The following RRP12 variants were observed in gnomAD, a reference collection of about 807,000 sequenced individuals.
The protein encoded by RRP12 is ribosomal RNA processing 12 homolog.
In RRP12, 78 loss-of-function variants were observed where a neutral mutation model predicts 157.3. That is an observed-to-expected ratio of 0.50 (90% CI 0.41 to 0.60). The LOEUF (loss-of-function observed/expected upper bound fraction) is 0.60, where lower values mean the gene tolerates loss of function less well. RRP12 is among the 20% of genes least tolerant of loss of function. The probability of loss-of-function intolerance (pLI) is 0.00; values close to 1 mark genes in which losing one functional copy is unlikely to be tolerated. For synonymous variants in RRP12, 726 were observed against 670.9 expected (o/e 1.08, Z -1.27); for missense variants, 1,521 against 1,679.9 (o/e 0.91, Z 1.65).
chr10:97,372,218 A>C lies in RRP12; in HGVS notation c.2250-52T>G, dbSNP rs757651480. On this transcript the variant is annotated intron_variant, in intron 19 of 33. Transcript: ENST00000370992. ...GGGATGGGGAGCTGGAGAAGGGCGC[A>C]GACTACCAGTGTTCTTACGTCTACT... 3 of 1,432,038 alleles carry C rather than the reference A, an allele frequency of 2.1e-6. No homozygotes were observed. The Admixed American group carries it at 5.2e-5, about 25-fold the overall frequency. 88.7% of individuals were successfully genotyped at this position (1,432,038 alleles called of 1,614,324 possible). A position where few individuals can be genotyped will look rare whatever the true frequency, so the allele number is the denominator to read the frequency against.
chr10:97,365,272 GT>G (rs34050240), intron 29 of RRP12, among the ~76,000 whole-genome samples: 162 of 118,456 alleles, frequency 1.4e-3, no homozygotes, highest in East Asian at 5.4e-3. Context: ...AGACCTAGGT[GT>G]TTTTTTTTTT....
intron 15 of RRP12, among the ~76,000 whole-genome samples, chr10:97,378,378 T>C (rs1844369010): frequency 6.6e-6 from 1 of 152,196 alleles, no homozygotes; most frequent in Non-Finnish European, 1.5e-5. Flanking sequence ...GCTACAAACC[T>C]GGACAGCATG....
Position 97,373,210 on chromosome 10 carries a change from G to GC in RRP12, c.2027-11_2027-10insG. 1 of 1,613,602 alleles carries GC rather than the reference G, an allele frequency of 6.2e-7. No homozygotes were observed. The highest frequency in any genetic ancestry group is 8.5e-7 in the Non-Finnish European group (1 of 1,179,686). ...TCAGCACGGTCAGCCTCTGGTAAAA[G>GC]GATCAAAGTTTGCACTAAAGGCACA... On this transcript the variant is annotated splice_polypyrimidine_tract_variant and intron_variant, in intron 17 of 33. Coordinates refer to ENST00000370992, the MANE Select transcript of RRP12 (RefSeq NM_015179.4).
At position 97,369,582 on chromosome 10, in the gene RRP12, C is replaced by A. The variant is rs975306832; in HGVS notation, c.2798G>T (p.Gly933Val). The change falls in exon 25 of 34, where the codon GGT (glycine) becomes GTT (valine). Residue 933 changes from glycine (G) to valine (V), a missense_variant and splice_region_variant. By Grantham distance (109) the Gly-to-Val change is moderately radical. Coordinates refer to ENST00000370992, the MANE Select transcript of RRP12 (RefSeq NM_015179.4). Reference protein sequence around the residue: ...ALTHLLFEFKGLMGTSTVEQL... With the variant: ...ALTHLLFEFKVLMGTSTVEQL... ...CTCCACTGTACTGGTCCCCATCAGA[C>A]CTGTGGCAGTGAGGGGGTCACTGTC... 6 of 1,557,934 alleles carry A rather than the reference C, an allele frequency of 3.9e-6. No individual in the cohort carries two copies. In the African/African-American group the frequency reaches 6.8e-5, roughly 18 times the overall value.
chr10:97,365,184 T>A (rs2133036102), intron 29 of RRP12, among the ~76,000 whole-genome samples: 1 of 151,614 alleles, frequency 6.6e-6, no homozygotes, highest in South Asian at 2.1e-4. Flanking sequence ...GAGGCTCCAG[T>A]TAGGAGGTGC....
intron 10 of RRP12, among the ~76,000 whole-genome samples, chr10:97,382,131 A>T (rs1028810404): frequency 2.0e-5 from 3 of 152,142 alleles, no homozygotes; most frequent in African/African-American, 7.2e-5. Flanking sequence ...AGTTTCTTAA[A>T]TACCCTTCCA....
chr10:97,357,099 G>A lies in RRP12; in HGVS notation c.3889C>T (p.Pro1297Ser), dbSNP rs1319318371. 1.9e-6 allele frequency: 3 copies of A among 1,609,502 alleles called. No homozygotes were observed. Among genetic ancestry groups the A allele is most frequent in the Non-Finnish European group, 1.7e-6 (2 of 1,176,188 alleles). ...GHKNRRKDRR[P>S] Reference sequence around the variant, plus strand: ...CAGCCCAGGGGCCCTGGGCCTCAGGGTCGACGATCCTTTCTGCGGTTTTTG... The same window carrying A: ...CAGCCCAGGGGCCCTGGGCCTCAGGATCGACGATCCTTTCTGCGGTTTTTG... Residue 1297 changes from proline (P) to serine (S), a missense_variant, in exon 34 of 34, where the codon CCC becomes TCC. Pro to Ser is a moderately conservative substitution (Grantham distance 74). Transcript: ENST00000370992.
intron 8 of RRP12, among the ~76,000 whole-genome samples, chr10:97,386,827 A>G (rs1238163202): frequency 2.6e-5 from 4 of 152,124 alleles, no homozygotes; most frequent in Non-Finnish European, 4.4e-5. Context: ...CGTGTCTACT[A>G]AAAATACAAA....
intron 33 of RRP12, among the ~76,000 whole-genome samples, chr10:97,357,534 AC>A (rs1828693064): frequency 6.6e-6 from 1 of 152,150 alleles, no homozygotes; most frequent in Admixed American, 6.5e-5. Context: ...ACTTTACAAC[AC>A]CATTTCCCTA....
At chr10:97,388,462 C>T (rs1281781865) in intron 7 of RRP12, 27 bp downstream of exon 7, 1 of 1,613,426 alleles carries the variant, frequency 6.2e-7, no homozygotes, top group African/African-American at 1.3e-5. Flanking sequence ...GCCTCCCATC[C>T]ACCTGCCCTC....
At chr10:97,390,908 C>T (rs529651051) in intron 4 of RRP12, 64 bp from the exon 5 acceptor site, 9 of 1,102,806 alleles carry the variant, frequency 8.2e-6, no homozygotes, top group Middle Eastern at 2.1e-4. Context: ...TGCAGCCCCT[C>T]GTGGTACTAA....
intron 4 of RRP12, 120 bp downstream of exon 4, chr10:97,393,564 A>T: frequency 1.2e-6 from 1 of 834,586 alleles, no homozygotes; most frequent in Non-Finnish European, 2.0e-6. Flanking sequence ...GCCTCTAGAC[A>T]ATGTTCATGA....
intron 3 of RRP12, among the ~76,000 whole-genome samples, chr10:97,395,412 T>G (rs1321463540): frequency 6.6e-6 from 1 of 150,846 alleles, no homozygotes; most frequent in East Asian, 2.0e-4. Context: ...ATCAGCCAGG[T>G]GTGGTGGCGC....
intron 9 of RRP12, among the ~76,000 whole-genome samples, chr10:97,385,559 A>G (rs1352921209): frequency 2.0e-5 from 3 of 152,130 alleles, no homozygotes; most frequent in Non-Finnish European, 4.4e-5. Context: ...TTTGCTAACA[A>G]TTTGGGGGAT....
chr10:97,390,695 G>A (rs1844778963), intron 5 of RRP12, 44 bp downstream of exon 5: 2 of 1,471,026 alleles, frequency 1.4e-6, no homozygotes, highest in Non-Finnish European at 1.9e-6. Context: ...AATCAGACAG[G>A]CTCTGGGAGT....
Position 97,358,574 on chromosome 10 carries a change from C to T in RRP12, c.3754G>A (p.Ala1252Thr). 6.2e-7 allele frequency: 1 copy of T among 1,614,070 alleles called. No individual in the cohort carries two copies. The highest frequency in any genetic ancestry group is 1.1e-5 in the South Asian group (1 of 91,074). ...VKKKGRPDPY[A>T]YIPLNRSKLN... ...TTGCTTCTGTTGAGGGGGATGTAGG[C>T]ATAGGGATCCGGCCGGCCTTTCTTC... is the stretch of plus-strand genomic sequence containing the variant. The change falls in exon 33 of 34, where the codon GCC becomes ACC. Residue 1252 changes from alanine to threonine, a missense_variant. By Grantham distance (58) the Ala-to-Thr change is moderately conservative. Transcript: ENST00000370992.
intron 30 of RRP12, among the ~76,000 whole-genome samples, chr10:97,361,290 A>G (rs957344884): frequency 1.3e-5 from 2 of 152,214 alleles, no homozygotes; most frequent in African/African-American, 4.8e-5. Context: ...AGGCAGTCCA[A>G]GGGAAGGAGG....
At chr10:97,389,174 A>G (rs1426122748) in intron 6 of RRP12, among the ~76,000 whole-genome samples, 1 of 152,142 alleles carries the variant, frequency 6.6e-6, no homozygotes, top group East Asian at 1.9e-4. Flanking sequence ...GCTCACTGCA[A>G]GCTCCGCCTC....
At chr10:97,399,267 C>A (rs1207016136) in intron 2 of RRP12, among the ~76,000 whole-genome samples, 1 of 152,118 alleles carries the variant, frequency 6.6e-6, no homozygotes, top group Non-Finnish European at 1.5e-5. Flanking sequence ...GAGCGAAACT[C>A]CGGCTCCAGA....
Sources: gnomAD v4.1 joint callset for allele counts (sites outside exome capture counted in the v4.1 genomes callset) on GRCh38, gnomAD v4.1.1 for gene constraint, MANE v1.5 for transcripts, NCBI Gene and HGNC (gene_info 2026-07-23, HGNC 2026-07-21) for gene names.